The following CRISPLD2 variants were observed in gnomAD, a reference collection of about 807,000 sequenced individuals.
CRISPLD2 encodes cysteine rich secretory protein LCCL domain containing 2, also known as cysteine-rich secretory protein LCCL domain-containing 2.
Under a neutral mutation model 71.1 loss-of-function variants are expected in CRISPLD2, and 47 were observed. That is an observed-to-expected ratio of 0.66 (90% CI 0.52 to 0.84). The LOEUF (loss-of-function observed/expected upper bound fraction) is 0.84. Among genes scored for constraint, CRISPLD2 ranks in the 40% least tolerant of loss-of-function variants. The pLI, the probability that CRISPLD2 is intolerant of heterozygous loss-of-function variation, is 0.00. For missense variants in CRISPLD2, 830 were observed against 651.1 expected, an observed-to-expected ratio of 1.27 and a Z score of -2.99; for synonymous variants, 317 against 250.1, an observed-to-expected ratio of 1.27 and a Z score of -2.52.
chr16:84,843,613 T>A (rs1044168925), intron 2 of CRISPLD2, among the ~76,000 whole-genome samples: 2 of 152,238 alleles, frequency 1.3e-5, no homozygotes, highest in Non-Finnish European at 2.9e-5. Context: ...TAGGGTTGTT[T>A]GGAGGAGGCA....
intron 13 of CRISPLD2, among the ~76,000 whole-genome samples, chr16:84,884,789 C>T (rs979249041): frequency 1.2e-4 from 18 of 152,200 alleles, no homozygotes; most frequent in African/African-American, 4.1e-4. Flanking sequence ...TTTTGTGTCA[C>T]TTTTGTGTCC....
At chr16:84,875,735 T>C (rs999349219) in intron 11 of CRISPLD2, among the ~76,000 whole-genome samples, 15 of 151,000 alleles carry the variant, frequency 9.9e-5, no homozygotes, top group African/African-American at 3.6e-4. Context: ...TTTTTTTTTT[T>C]TTTTTTTTTA....
intron 1 of CRISPLD2, among the ~76,000 whole-genome samples, chr16:84,821,846 C>T (rs944108366): frequency 3.0e-4 from 46 of 152,222 alleles, no homozygotes; most frequent in African/African-American, 9.6e-4. Context: ...AGGGTTTCCA[C>T]GGATGAGCTC....
intron 14 of CRISPLD2, among the ~76,000 whole-genome samples, chr16:84,901,199 A>G (rs968315991): frequency 4.6e-5 from 7 of 152,218 alleles, no homozygotes; most frequent in African/African-American, 1.7e-4. Context: ...TTGTTAAGCT[A>G]AAAAAGCAAA....
intron 2 of CRISPLD2, chr16:84,840,059 T>C (rs1445581504): frequency 6.6e-6 from 1 of 151,516 alleles, no homozygotes; most frequent in African/African-American, 2.4e-5. Flanking sequence ...AGAGTCTGAG[T>C]CTTTGCCACT....
intron 14 of CRISPLD2, among the ~76,000 whole-genome samples, chr16:84,901,910 C>T (rs1005856413): frequency 6.6e-6 from 1 of 150,566 alleles, no homozygotes. Context: ...TCTCCTGCCT[C>T]AGCCTCCCAA....
chr16:84,866,868 A>AT (rs569772824), intron 6 of CRISPLD2, 29 bp from the exon 7 acceptor site: 79 of 1,597,886 alleles, frequency 4.9e-5, no homozygotes, highest in South Asian at 1.3e-4. Context: ...CCAGTGTGTT[A>AT]TTTTTTTTCC....
rs565375603 is a variant in CRISPLD2, at chr16:84,880,676, T to G, written c.1305+92T>G. 3 of 823,508 alleles carry G rather than the reference T, an allele frequency of 3.6e-6. No homozygotes were observed. In the South Asian group the frequency reaches 4.6e-5, roughly 13 times the overall value. 51.0% of individuals were successfully genotyped at this position (823,508 alleles called of 1,614,324 possible). ...AAGATCTGGATACTTGAAACTTTAT[T>G]CCAGTGCCTCTTAGCTAAATTAATT... On this transcript the variant is annotated intron_variant, in intron 13 of 14. Transcript: ENST00000262424.
In CRISPLD2 at chr16:84,880,560, G is replaced by A; in HGVS notation, c.1281G>A (p.Val427=). ...CKDEPSYWAP[V]FGTNIYADTS... ...ACGAACCTTCCTACTGGGCTCCGGT[G>A]TTTGGAACCAACATCTATGCAGATG... Residue 427 remains valine, a synonymous_variant, in exon 13 of 15, where the codon GTG becomes GTA. Coordinates refer to ENST00000262424, the MANE Select transcript of CRISPLD2 (RefSeq NM_031476.4). 3 of 1,613,952 alleles carry A rather than the reference G, an allele frequency of 1.9e-6. No individual in the cohort carries two copies. Among genetic ancestry groups the A allele is most frequent in the South Asian group, 1.1e-5 (1 of 91,072 alleles).
intron 8 of CRISPLD2, among the ~76,000 whole-genome samples, chr16:84,872,031 T>G (rs996666795): frequency 1.1e-4 from 16 of 152,190 alleles, no homozygotes; most frequent in African/African-American, 3.9e-4. Context: ...AATAAAAAAC[T>G]GATACAAATT....
chr16:84,848,173 C>A (rs964682035), intron 3 of CRISPLD2, among the ~76,000 whole-genome samples: 1 of 152,310 alleles, frequency 6.6e-6, no homozygotes, highest in Admixed American at 6.5e-5. Context: ...AGCCTTGAGT[C>A]TGCGTGACCT....
chr16:84,886,456 G>T (rs1026984643), intron 13 of CRISPLD2, among the ~76,000 whole-genome samples: 1 of 152,158 alleles, frequency 6.6e-6, no homozygotes, highest in Non-Finnish European at 1.5e-5. Flanking sequence ...TCTCGAGGGG[G>T]CACTGATTAC....
chr16:84,822,960 C>CA lies in CRISPLD2; in HGVS notation c.-75+2828dup, dbSNP rs1916264887. Among the ~76,000 whole-genome samples the CA allele has an allele frequency of 3.3e-5, 5 of 152,308 alleles. No homozygotes were observed. The South Asian group carries it at 8.3e-4, about 25-fold the overall frequency. On this transcript the variant is annotated intron_variant, in intron 1 of 14. Transcript: ENST00000262424. The stretch of plus-strand genomic sequence containing the variant: ...ATTGGAAGTATTGTGCAGCCACCAC[C>CA]ACTAATTCCAGAGCGTTTCATCATC...
chr16:84,840,245 A>G (rs372483813), intron 2 of CRISPLD2, among the ~76,000 whole-genome samples: 2 of 152,134 alleles, frequency 1.3e-5, no homozygotes, highest in African/African-American at 4.8e-5. Flanking sequence ...GCTGCCATGG[A>G]GGGTCGTGGC....
rs1293396197 is a variant in CRISPLD2 at position 84,854,846 on chromosome 16, C to T, written c.709+17C>T. Reference sequence around the variant, plus strand: ...GTTACCGAGGTAGGAAATTTACTCCCAACACTTTTGCAATGAATTTGCCCT... The same window carrying T: ...GTTACCGAGGTAGGAAATTTACTCCTAACACTTTTGCAATGAATTTGCCCT... On this transcript the variant is annotated intron_variant, in intron 6 of 14. Transcript: ENST00000262424. 3.8e-6 allele frequency: 6 copies of T among 1,589,022 alleles called. No homozygotes were observed. The highest frequency in any genetic ancestry group is 2.7e-5 in the African/African-American group (2 of 74,358).
intron 6 of CRISPLD2, among the ~76,000 whole-genome samples, chr16:84,866,426 G>C (rs536233469): frequency 6.6e-6 from 1 of 152,206 alleles, no homozygotes; most frequent in African/African-American, 2.4e-5. Context: ...AGTAGAGACG[G>C]GGTTTCGCCA....
intron 13 of CRISPLD2, among the ~76,000 whole-genome samples, chr16:84,883,543 A>G (rs908238382): frequency 2.0e-5 from 3 of 152,168 alleles, no homozygotes; most frequent in Non-Finnish European, 2.9e-5. Context: ...ACTTGTGCAC[A>G]TATCAGAATC....
intron 1 of CRISPLD2, among the ~76,000 whole-genome samples, chr16:84,827,558 C>G (rs1200646188): frequency 7.4e-6 from 1 of 135,908 alleles, no homozygotes; most frequent in African/African-American, 2.8e-5. Context: ...AGTGCCCTTT[C>G]TTTTTTTTTT....
intron 14 of CRISPLD2, among the ~76,000 whole-genome samples, chr16:84,892,347 C>T (rs1469781777): frequency 3.9e-5 from 6 of 152,252 alleles, no homozygotes; most frequent in African/African-American, 1.4e-4. Flanking sequence ...CTAAGAGTCA[C>T]GCGAACCTGG....
Sources: allele counts gnomAD v4.1 joint callset (sites outside exome capture counted in the v4.1 genomes callset), GRCh38; gene constraint gnomAD v4.1.1; transcripts MANE v1.5; gene names NCBI Gene and HGNC (gene_info 2026-07-23, HGNC 2026-07-21).